APBA2: variants seen among roughly 807,000 people sequenced by gnomAD.
APBA2 encodes the protein amyloid beta precursor protein binding family A member 2.
Under a neutral mutation model 75.0 loss-of-function variants are expected in APBA2, and 30 were observed. The ratio of observed to expected loss-of-function variants is 0.40; its 90% CI spans 0.30 to 0.54. The LOEUF is 0.54. Among genes scored for constraint, APBA2 ranks in the 20% least tolerant of loss-of-function variants. The pLI is 0.49. For synonymous variants in APBA2, 444 were observed against 409.6 expected (o/e 1.08, Z -1.01); for missense variants, 801 against 1,016.1 (o/e 0.79, Z 2.88).
At chr15:29,102,630 G>A (rs1198014055) in intron 10 of APBA2, 3 of 152,228 alleles carry the variant, frequency 2.0e-5, no homozygotes, top group African/African-American at 7.2e-5. Flanking sequence ...TTGGTGGTGC[G>A]TGCCTGTAAT....
intron 14 of APBA2, 22 bp downstream of exon 14, chr15:29,114,038 G>T (rs749869578): frequency 2.5e-5 from 40 of 1,613,472 alleles, no homozygotes; most frequent in Admixed American, 5.0e-5. Context: ...CTTTGAGTGT[G>T]CCTCTGCATG....
At chr15:28,983,611 G>A (rs2037740735) in intron 2 of APBA2, among the ~76,000 whole-genome samples, 1 of 152,342 alleles carries the variant, frequency 6.6e-6, no homozygotes, top group Middle Eastern at 3.4e-3. Flanking sequence ...CTCCAGGAGC[G>A]CTGTCGGCTC....
At chr15:29,107,186 C>A (rs1168563408) in intron 12 of APBA2, among the ~76,000 whole-genome samples, 2 of 152,160 alleles carry the variant, frequency 1.3e-5, no homozygotes, top group Non-Finnish European at 2.9e-5. Context: ...TTCTGGGAAA[C>A]CCCCTCAGTG....
intron 2 of APBA2, among the ~76,000 whole-genome samples, chr15:28,923,422 T>C (rs2034082398): frequency 6.6e-6 from 1 of 152,068 alleles, no homozygotes; most frequent in African/African-American, 2.4e-5. Context: ...CTCTGATATA[T>C]AGAGTTATGT....
chr15:29,044,113 T>G (rs1055142852), intron 3 of APBA2, among the ~76,000 whole-genome samples: 1 of 152,242 alleles, frequency 6.6e-6, no homozygotes, highest in Non-Finnish European at 1.5e-5. Context: ...CTGTTTCTCA[T>G]TTGTATGATA....
intron 2 of APBA2, among the ~76,000 whole-genome samples, chr15:28,937,364 A>G (rs1449744126): frequency 6.6e-6 from 1 of 152,152 alleles, no homozygotes; most frequent in East Asian, 1.9e-4. Context: ...CTTCTGAGGG[A>G]CAGAACCCTG....
chr15:29,079,040 A>C (rs1256908317), intron 6 of APBA2, among the ~76,000 whole-genome samples: 1 of 152,108 alleles, frequency 6.6e-6, no homozygotes, highest in Non-Finnish European at 1.5e-5. Flanking sequence ...GAAAATTCTA[A>C]TGCTTGCGGG....
At chr15:28,977,977 CAG>C (rs1489935634) in intron 2 of APBA2, among the ~76,000 whole-genome samples, 1 of 152,194 alleles carries the variant, frequency 6.6e-6, no homozygotes, top group Non-Finnish European at 1.5e-5. Context: ...CTCTGCCACT[CAG>C]GGGCTGTGTG....
At chr15:29,065,178 G>GT (rs1431840914) in intron 4 of APBA2, among the ~76,000 whole-genome samples, 2 of 152,122 alleles carry the variant, frequency 1.3e-5, no homozygotes, top group African/African-American at 4.8e-5. Context: ...TCCCGTTCTT[G>GT]GGCCTCCGTG....
chr15:29,102,400 G>A, intron 10 of APBA2: 1 of 156,576 alleles, frequency 6.4e-6, no homozygotes, highest in East Asian at 1.9e-4. Flanking sequence ...CTTACTCACA[G>A]ACCAGCAGGG....
intron 2 of APBA2, among the ~76,000 whole-genome samples, chr15:28,958,706 G>C (rs2036304692): frequency 6.6e-6 from 1 of 152,080 alleles, no homozygotes; most frequent in Non-Finnish European, 1.5e-5. Flanking sequence ...GTGTTTTCCA[G>C]TGCTTATCAA....
At chr15:28,936,281 G>GT (rs1954277289) in intron 2 of APBA2, among the ~76,000 whole-genome samples, 1 of 152,176 alleles carries the variant, frequency 6.6e-6, no homozygotes, top group South Asian at 2.1e-4. Flanking sequence ...GGTCCATTCA[G>GT]TCCCCAGCCT....
intron 1 of APBA2, among the ~76,000 whole-genome samples, chr15:28,891,585 A>G (rs2152608031): frequency 6.6e-6 from 1 of 152,322 alleles, no homozygotes; most frequent in Middle Eastern, 3.4e-3. Flanking sequence ...AAGGTGGCTG[A>G]CATGGTTGGT....
intron 6 of APBA2, among the ~76,000 whole-genome samples, chr15:29,084,451 A>G (rs1321495002): frequency 6.6e-6 from 1 of 152,198 alleles, no homozygotes; most frequent in Admixed American, 6.5e-5. Context: ...TATTTAATCT[A>G]CACCCTGACC....
intron 3 of APBA2, among the ~76,000 whole-genome samples, chr15:29,027,275 T>C (rs1054795225): frequency 6.6e-6 from 1 of 152,234 alleles, no homozygotes; most frequent in Non-Finnish European, 1.5e-5. Context: ...TTCATCTCGG[T>C]CTGGCCTTTA....
At chr15:28,988,206 C>G (rs548300678) in intron 2 of APBA2, among the ~76,000 whole-genome samples, 170 of 151,074 alleles carry the variant, frequency 1.1e-3, no homozygotes, top group Non-Finnish European at 2.0e-3. Flanking sequence ...CCTGTTAGTT[C>G]TGCATTTTGT....
intron 3 of APBA2, among the ~76,000 whole-genome samples, chr15:29,018,573 C>CCAGGAGGGGCCACCTGGTGG (rs2039794916): frequency 6.6e-6 from 1 of 152,118 alleles, no homozygotes. Flanking sequence ...AGAGCAGGAT[C>CCAGGAGGGGCCACCTGGTGG]CAGGAGGGGC....
At chr15:29,008,307 A>G (rs2039229294) in intron 3 of APBA2, among the ~76,000 whole-genome samples, 1 of 152,202 alleles carries the variant, frequency 6.6e-6, no homozygotes, top group African/African-American at 2.4e-5. Context: ...CTGGAGATGG[A>G]TGGTCATGAT....
intron 1 of APBA2, among the ~76,000 whole-genome samples, chr15:28,896,924 A>G (rs2032526616): frequency 6.6e-6 from 1 of 152,064 alleles, no homozygotes. Context: ...CAAACTCTCA[A>G]TCATGTTCCT....
Sources: gnomAD v4.1 joint callset for allele counts (sites outside exome capture counted in the v4.1 genomes callset) on GRCh38, gnomAD v4.1.1 for gene constraint, MANE v1.5 for transcripts, NCBI Gene and HGNC (gene_info 2026-07-23, HGNC 2026-07-21) for gene names.